The following RMI1 variants were observed in gnomAD, a reference collection of about 807,000 sequenced individuals.
RMI1 encodes the protein RecQ mediated genome instability 1.
RMI1 carries 36 observed loss-of-function variants against 46.7 expected under a neutral mutation model. The ratio of observed to expected loss-of-function variants is 0.77; its 90% CI spans 0.59 to 1.02. RMI1 has a LOEUF of 1.02. RMI1 is among the 50% of genes least tolerant of loss of function. The probability of loss-of-function intolerance (pLI) is 0.00; values close to 1 mark genes in which losing one functional copy is unlikely to be tolerated. For missense variants in RMI1, 676 were observed against 713.7 expected (o/e 0.95, Z 0.60); for synonymous variants, 250 against 252.9 (o/e 0.99, Z 0.11).
chr9:84,001,883 A>T lies in RMI1; in HGVS notation c.897A>T (p.Pro299=), dbSNP rs143673151. The T allele has an allele frequency of 3.0e-4, 488 of 1,614,076 alleles. 1 individual carries two copies. In the African/African-American group the frequency reaches 5.5e-3, roughly 18 times the overall value. The change falls in exon 3 of 3, where the codon CCA becomes CCT. Residue 299 remains proline (P), a synonymous_variant. Transcript: ENST00000445877. ...TTTCTCCAAGACCAAAAGAGGAACC[A>T]TCAAACCTATCTATACATGTAATGG... The part of the protein sequence containing the change: ...FVISPRPKEE[P]SNLSIHVMDG...
rs1234952473 is a variant in RMI1 at position 83,997,048 on chromosome 9, T to C, written c.-125-2661T>C. ...AAGATAGAGGTGGATTCCCCCCCCCTTTTTTTTTTGGCAGGGCTCTGGGTG... is the reference window on the plus strand; with the variant it reads ...AAGATAGAGGTGGATTCCCCCCCCCCTTTTTTTTTGGCAGGGCTCTGGGTG... On this transcript the variant is annotated intron_variant, in intron 1 of 2. Transcript: ENST00000445877. 7.5e-4 allele frequency among the ~76,000 whole-genome samples: 106 copies of C among 140,786 alleles called. 1 individual carries two copies. Among genetic ancestry groups the C allele is most frequent in the Non-Finnish European group, 7.8e-4 (50 of 64,074 alleles). 92.4% of individuals were successfully genotyped at this position (140,786 alleles called of 152,430 possible).
At position 84,001,806 on chromosome 9, in the gene RMI1, T is replaced by A. The variant is rs745479344; in HGVS notation, c.820T>A (p.Ser274Thr). ...AGAACGATGTTTCACCACAGGTAGT[T>A]CCTCAAATACCATTCCCACAAGACA... is the stretch of plus-strand genomic sequence containing the variant. ...SSERCFTTGS[S>T]SNTIPTRQSS... The change falls in exon 3 of 3, where the codon TCC (serine) becomes ACC (threonine). Residue 274 changes from serine to threonine, a missense_variant. Ser to Thr is a moderately conservative substitution (Grantham distance 58). Transcript: ENST00000445877. The A allele has an allele frequency of 6.2e-7, 1 of 1,614,054 alleles. No homozygotes were observed. Among genetic ancestry groups the A allele is most frequent in the Non-Finnish European group, 8.5e-7 (1 of 1,179,952 alleles).
intron 1 of RMI1, among the ~76,000 whole-genome samples, chr9:83,986,773 C>T (rs1479426727): frequency 4.6e-5 from 7 of 152,138 alleles, no homozygotes; most frequent in Admixed American, 4.6e-4. Flanking sequence ...CTCTGAAATT[C>T]ATTCTTGTTT....
At chr9:84,000,536 A>G (rs1175499829) in intron 2 of RMI1, among the ~76,000 whole-genome samples, 1 of 152,228 alleles carries the variant, frequency 6.6e-6, no homozygotes, top group African/African-American at 2.4e-5. Context: ...ATTGGAGCAT[A>G]TTCCCCATAG....
chr9:83,983,934 G>C (rs553984396), intron 1 of RMI1, among the ~76,000 whole-genome samples: 9 of 151,954 alleles, frequency 5.9e-5, no homozygotes, highest in African/African-American at 2.2e-4. Flanking sequence ...TTTCTTTAAA[G>C]ATTTCATAGC....
Position 84,001,418 on chromosome 9 carries a change from A to G in RMI1, c.432A>G (p.Val144=). Residue 144 remains valine (V), a synonymous_variant, in exon 3 of 3, where the codon GTA becomes GTG. Coordinates refer to ENST00000445877, the MANE Select transcript of RMI1 (RefSeq NM_001358291.2). ...MLMLQLTDGI[V]QIQGMEYQPI... ...TGCTGCAGCTAACTGATGGAATCGT[A>G]CAAATACAGGGAATGGAATATCAGC... 6.2e-7 allele frequency: 1 copy of G among 1,614,142 alleles called. No homozygotes were observed. Among genetic ancestry groups the G allele is most frequent in the Non-Finnish European group, 8.5e-7 (1 of 1,180,006 alleles).
Position 84,001,071 on chromosome 9 carries a change from G to A in RMI1, c.85G>A (p.Ala29Thr). 1 of 1,614,066 alleles carries A rather than the reference G, an allele frequency of 6.2e-7. No homozygotes were observed. The highest frequency in any genetic ancestry group is 8.5e-7 in the Non-Finnish European group (1 of 1,179,964). Residue 29 changes from alanine to threonine, a missense_variant, in exon 3 of 3, where the codon GCT becomes ACT. Ala to Thr is a moderately conservative substitution (Grantham distance 58). Coordinates refer to ENST00000445877, the MANE Select transcript of RMI1 (RefSeq NM_001358291.2). ...TAAAGTACCTCCGATGTGGCTGGAA[G>A]CTTGTATTAACTGGATTCAAGAAGA... ...HVKVPPMWLEACINWIQEENN... is the reference protein window; with the variant it reads ...HVKVPPMWLETCINWIQEENN...
At position 83,991,345 on chromosome 9, in the gene RMI1, C is replaced by T. The variant is rs923035158; in HGVS notation, c.-125-8364C>T. On this transcript the variant is annotated intron_variant, in intron 1 of 2. Transcript: ENST00000445877. ...AACTAATATTTTTTAGAGACAGGTT[C>T]TCACTTTGTGTCCAGGGTAGGGTGC... Among the ~76,000 whole-genome samples, 12 of 149,000 alleles carry T rather than the reference C, an allele frequency of 8.1e-5. No individual in the cohort carries two copies. The South Asian group carries it at 8.4e-4, about 10-fold the overall frequency.
intron 1 of RMI1, among the ~76,000 whole-genome samples, chr9:83,986,658 TA>T (rs912432631): frequency 3.9e-5 from 6 of 152,194 alleles, no homozygotes; most frequent in Non-Finnish European, 5.9e-5. Context: ...TTGATATCTT[TA>T]AAAAAATTTT....
intron 1 of RMI1, among the ~76,000 whole-genome samples, chr9:83,986,525 G>A (rs1957492595): frequency 6.6e-6 from 1 of 152,188 alleles, no homozygotes; most frequent in Admixed American, 6.5e-5. Flanking sequence ...GGTATGATAT[G>A]TATGCCTTAA....
intron 1 of RMI1, among the ~76,000 whole-genome samples, chr9:83,998,349 A>C (rs1957689621): frequency 6.6e-6 from 1 of 152,200 alleles, no homozygotes; most frequent in South Asian, 2.1e-4. Flanking sequence ...TTTAAATTCT[A>C]ATCATCCATT....
chr9:83,990,882 A>G (rs1378141912), intron 1 of RMI1, among the ~76,000 whole-genome samples: 1 of 151,960 alleles, frequency 6.6e-6, no homozygotes, highest in Non-Finnish European at 1.5e-5. Flanking sequence ...ATCTTGGCTC[A>G]CCACAACCCC....
chr9:83,998,457 C>T (rs768484403), intron 1 of RMI1, among the ~76,000 whole-genome samples: 1 of 152,120 alleles, frequency 6.6e-6, no homozygotes, highest in Non-Finnish European at 1.5e-5. Flanking sequence ...TTAATGGTAG[C>T]AAGCACTTAC....
In RMI1 at chr9:84,002,065, A is replaced by G; in HGVS notation, c.1079A>G (p.Asn360Ser). 6.2e-7 allele frequency: 1 copy of G among 1,613,900 alleles called. No homozygotes were observed. Among genetic ancestry groups the G allele is most frequent in the Non-Finnish European group, 8.5e-7 (1 of 1,179,884 alleles). Residue 360 changes from asparagine (N) to serine (S), a missense_variant, in exon 3 of 3, where the codon AAT becomes AGT. Physicochemically the swap from Asn to Ser is conservative, Grantham distance 46. Coordinates refer to ENST00000445877, the MANE Select transcript of RMI1 (RefSeq NM_001358291.2). ...TTTTCACATAATCCTAATACTACGA[A>G]TAACTTTTCTTTGACTTGCAAAAAT... ...ERFSHNPNTTNNFSLTCKNGN... is the reference protein window; with the variant it reads ...ERFSHNPNTTSNFSLTCKNGN...
intron 1 of RMI1, among the ~76,000 whole-genome samples, chr9:83,996,905 A>G (rs1279591438): frequency 1.3e-5 from 2 of 151,952 alleles, no homozygotes; most frequent in African/African-American, 4.8e-5. Context: ...TCAGGCATTT[A>G]TAAACAAAGC....
chr9:83,993,578 C>A lies in RMI1; in HGVS notation c.-125-6131C>A, dbSNP rs140926049. 2.6e-4 allele frequency among the ~76,000 whole-genome samples: 39 copies of A among 152,230 alleles called. No homozygotes were observed. The East Asian group carries it at 5.2e-3, about 20-fold the overall frequency. On this transcript the variant is annotated intron_variant, in intron 1 of 2. Coordinates refer to ENST00000445877, the MANE Select transcript of RMI1 (RefSeq NM_001358291.2). ...TCTATACTGTTTTCCATAGTAGCTTCACCATTTTATAATAATATTAACAGT... is the reference window on the plus strand; with the variant it reads ...TCTATACTGTTTTCCATAGTAGCTTAACCATTTTATAATAATATTAACAGT...
chr9:83,997,046 C>G (rs920518012), intron 1 of RMI1, among the ~76,000 whole-genome samples: 4 of 150,422 alleles, frequency 2.7e-5, no homozygotes, highest in Non-Finnish European at 4.4e-5. Flanking sequence ...ATTCCCCCCC[C>G]CTTTTTTTTT....
chr9:83,990,488 C>G (rs150729203), intron 1 of RMI1, among the ~76,000 whole-genome samples: 1 of 144,188 alleles, frequency 6.9e-6, no homozygotes, highest in East Asian at 2.0e-4. Flanking sequence ...CCAGCCTGGG[C>G]GACAGAGCTA....
chr9:83,995,981 A>G (rs1376562163), intron 1 of RMI1, among the ~76,000 whole-genome samples: 2 of 152,204 alleles, frequency 1.3e-5, no homozygotes, highest in African/African-American at 2.4e-5. Context: ...AAAAAAAATT[A>G]AGATGTTTCA....
Sources: gnomAD v4.1 joint callset for allele counts (sites outside exome capture counted in the v4.1 genomes callset) on GRCh38, gnomAD v4.1.1 for gene constraint, MANE v1.5 for transcripts, NCBI Gene and HGNC (gene_info 2026-07-23, HGNC 2026-07-21) for gene names.